The following SAR1A variants were observed in gnomAD, a reference collection of about 807,000 sequenced individuals.
SAR1A encodes secretion associated Ras related GTPase 1A, also known as small COPII coat GTPase SAR1A.
A neutral mutation model predicts 22.6 loss-of-function variants in SAR1A; 6 were observed. That is an observed-to-expected ratio of 0.27 (90% CI 0.15 to 0.52). The LOEUF (loss-of-function observed/expected upper bound fraction) is 0.52, where lower values mean the gene tolerates loss of function less well. SAR1A is among the 20% of genes least tolerant of loss of function. SAR1A has a pLI of 0.96. For missense variants in SAR1A, 145 were observed against 245.1 expected (o/e 0.59, Z 2.73); for synonymous variants, 70 against 82.2 (o/e 0.85, Z 0.80).
In SAR1A at chr10:70,152,417, A is replaced by C. The variant is rs1176105270; in HGVS notation, c.*59T>G. ...TGTTCTATTAGAAAAGTTCATGAGG[A>C]AGCTGTGAATAGGATCAGTCCAGAG... is the stretch of plus-strand genomic sequence containing the variant. On this transcript the variant is annotated 3_prime_UTR_variant, in exon 7 of 7. Transcript: ENST00000373241. 3.1e-6 allele frequency: 4 copies of C among 1,294,838 alleles called. No homozygotes were observed. The highest frequency in any genetic ancestry group is 1.5e-5 in the African/African-American group (1 of 68,470). The allele number at this position is 1,294,838 out of a possible 1,614,324, so 80.2% of individuals were successfully genotyped here.
chr10:70,157,353 A>G (rs113898372), intron 5 of SAR1A, among the ~76,000 whole-genome samples: 5,314 of 149,846 alleles, frequency 0.035, 120 homozygotes, highest in East Asian at 0.058. Flanking sequence ...GCAGTAAGCC[A>G]AGATTGCGCC....
intron 1 of SAR1A, among the ~76,000 whole-genome samples, chr10:70,162,397 A>AGGAAAG (rs1180610508): frequency 0.021 from 2,595 of 124,532 alleles, 64 homozygotes; most frequent in East Asian, 0.034. Flanking sequence ...GAAAGGGAAA[A>AGGAAAG]GGAAAGGGAA....
intron 1 of SAR1A, chr10:70,163,070 TA>T (rs1403241848): frequency 6.6e-6 from 1 of 152,264 alleles, no homozygotes; most frequent in African/African-American, 2.4e-5. Context: ...TGATTAAGCT[TA>T]GTGACGAAGA....
At chr10:70,153,772 A>G in intron 6 of SAR1A, 66 bp downstream of exon 6, 2 of 1,337,536 alleles carry the variant, frequency 1.5e-6, no homozygotes, top group Non-Finnish European at 2.0e-6. Flanking sequence ...TAATCTAGAT[A>G]GCGAAACATC....
At chr10:70,167,916 G>A (rs1839574241) in intron 1 of SAR1A, among the ~76,000 whole-genome samples, 1 of 152,166 alleles carries the variant, frequency 6.6e-6, no homozygotes, top group Admixed American at 6.5e-5. Flanking sequence ...GCACTTTAAG[G>A]AGTCCAACAA....
At chr10:70,162,092 C>A (rs776309255) in intron 1 of SAR1A, among the ~76,000 whole-genome samples, 161 bp from the exon 2 acceptor site, 6 of 152,122 alleles carry the variant, frequency 3.9e-5, no homozygotes, top group Non-Finnish European at 8.8e-5. Context: ...GGAATCCCAG[C>A]ATTTGGGAAA....
At chr10:70,169,173 T>G (rs1236912704) in intron 1 of SAR1A, among the ~76,000 whole-genome samples, 1 of 152,064 alleles carries the variant, frequency 6.6e-6, no homozygotes, top group Non-Finnish European at 1.5e-5. Context: ...AAAGTAATAG[T>G]GCCAGGGCTT....
chr10:70,163,062 A>AT (rs1258868822), intron 1 of SAR1A: 2 of 152,340 alleles, frequency 1.3e-5, no homozygotes, highest in African/African-American at 4.8e-5. Flanking sequence ...GTTAGAAATG[A>AT]TTAAGCTTAG....
chr10:70,165,850 A>C (rs971857251), intron 1 of SAR1A, among the ~76,000 whole-genome samples: 11 of 152,356 alleles, frequency 7.2e-5, no homozygotes, highest in African/African-American at 2.4e-4. Context: ...CTACAGAGAA[A>C]TCTTTCTTGA....
At chr10:70,165,107 T>C (rs1343349844) in intron 1 of SAR1A, among the ~76,000 whole-genome samples, 2 of 151,296 alleles carry the variant, frequency 1.3e-5, no homozygotes, top group Non-Finnish European at 2.9e-5. Flanking sequence ...CTACTAAAAA[T>C]ACAAAAAATT....
chr10:70,154,779 C>A (rs755677271), intron 5 of SAR1A, among the ~76,000 whole-genome samples: 2 of 152,010 alleles, frequency 1.3e-5, no homozygotes, highest in Non-Finnish European at 2.9e-5. Context: ...GTTAACAAAG[C>A]CAAGTAAGAA....
chr10:70,165,553 G>C (rs542562423), intron 1 of SAR1A, among the ~76,000 whole-genome samples: 115 of 152,292 alleles, frequency 7.6e-4, no homozygotes, highest in Middle Eastern at 3.4e-3. Flanking sequence ...ACTAGAATTA[G>C]AAGTAGAGCC....
chr10:70,159,881 T>G (rs1002132808), intron 4 of SAR1A, among the ~76,000 whole-genome samples: 5 of 152,172 alleles, frequency 3.3e-5, no homozygotes, highest in African/African-American at 1.2e-4. Flanking sequence ...GATAGGAATC[T>G]GGAAACCAAA....
rs1225205105 is a variant in SAR1A at position 70,161,381 on chromosome 10, A to C, written c.178+238T>G. 1.6e-5 allele frequency: 9 copies of C among 564,476 alleles called. No homozygotes were observed. In the East Asian group the frequency reaches 2.3e-4, roughly 15 times the overall value. The allele number at this position is 564,476 out of a possible 1,614,324, so 35.0% of individuals were successfully genotyped here. ...TCTTCCAAGCTATTTTCCACTTCTTAGAAGTAGGTATAGGAGAGGTGTCCC... is the reference window on the plus strand; with the variant it reads ...TCTTCCAAGCTATTTTCCACTTCTTCGAAGTAGGTATAGGAGAGGTGTCCC... On this transcript the variant is annotated intron_variant, in intron 3 of 6. Coordinates refer to ENST00000373241, the MANE Select transcript of SAR1A (RefSeq NM_020150.5).
chr10:70,165,091 C>T (rs1839529863), intron 1 of SAR1A, among the ~76,000 whole-genome samples: 1 of 151,826 alleles, frequency 6.6e-6, no homozygotes, highest in African/African-American at 2.4e-5. Context: ...CGGTGAAACC[C>T]CGTCTCTACT....
chr10:70,164,659 T>TA (rs1839522003), intron 1 of SAR1A, among the ~76,000 whole-genome samples: 3 of 152,352 alleles, frequency 2.0e-5, no homozygotes, highest in African/African-American at 7.2e-5. Context: ...TTTAGCCACT[T>TA]AAAGAAAATG....
Position 70,151,749 on chromosome 10 carries a change from T to C in SAR1A, c.*727A>G, listed in dbSNP as rs1564568325. On this transcript the variant is annotated 3_prime_UTR_variant, in exon 7 of 7. Coordinates refer to ENST00000373241, the MANE Select transcript of SAR1A (RefSeq NM_020150.5). Reference sequence around the variant, plus strand: ...TAAGAATAACAACAATAACCCATTCTATAATTAACTCCTCCACAGTGAACA... The same window carrying C: ...TAAGAATAACAACAATAACCCATTCCATAATTAACTCCTCCACAGTGAACA... 1.3e-5 allele frequency: 2 copies of C among 152,618 alleles called. No individual in the cohort carries two copies. Among genetic ancestry groups the C allele is most frequent in the African/African-American group, 2.4e-5 (1 of 41,462 alleles). 9.5% of individuals were successfully genotyped at this position (152,618 alleles called of 1,614,324 possible). A position where few individuals can be genotyped will look rare whatever the true frequency, so the allele number is the denominator to read the frequency against.
intron 5 of SAR1A, among the ~76,000 whole-genome samples, chr10:70,155,707 A>C (rs1839379521): frequency 6.6e-6 from 1 of 152,204 alleles, no homozygotes; most frequent in Non-Finnish European, 1.5e-5. Context: ...TCATATCTGA[A>C]CTCTGAGGTC....
chr10:70,158,189 T>G (rs2136713518), intron 4 of SAR1A, among the ~76,000 whole-genome samples: 1 of 152,374 alleles, frequency 6.6e-6, no homozygotes, highest in South Asian at 2.1e-4. Context: ...AGATGATGTC[T>G]GAACACTTTT....
Sources: allele counts gnomAD v4.1 joint callset (sites outside exome capture counted in the v4.1 genomes callset), GRCh38; gene constraint gnomAD v4.1.1; transcripts MANE v1.5; gene names NCBI Gene and HGNC (gene_info 2026-07-23, HGNC 2026-07-21).